The following CDH13 variants were observed in gnomAD, a reference collection of about 807,000 sequenced individuals.
CDH13 encodes the protein cadherin 13.
CDH13 carries 24 observed loss-of-function variants against 63.8 expected under a neutral mutation model. The ratio of observed to expected loss-of-function variants is 0.38; its 90% confidence interval spans 0.27 to 0.53. CDH13 has a LOEUF of 0.53. Ranked by LOEUF, CDH13 falls within the 20% of genes least tolerant of loss-of-function variation. The probability of loss-of-function intolerance (pLI) is 0.85; values close to 1 mark genes in which losing one functional copy is unlikely to be tolerated. For synonymous variants in CDH13, 503 were observed against 355.3 expected (o/e 1.42, Z -4.67); for missense variants, 1,049 against 903.1 (o/e 1.16, Z -2.07).
At chr16:83,237,881 A>T (rs12926446) in intron 5 of CDH13, among the ~76,000 whole-genome samples, 21,700 of 152,210 alleles carry the variant, frequency 0.14, 1,679 homozygotes, top group Middle Eastern at 0.22. Context: ...TTGGGTATTG[A>T]TAACTTATAT....
intron 8 of CDH13, among the ~76,000 whole-genome samples, chr16:83,603,411 CTG>C (rs1335570296): frequency 2.6e-5 from 4 of 152,286 alleles, no homozygotes; most frequent in Non-Finnish European, 5.9e-5. Context: ...CCTGATTTGA[CTG>C]TGTGAGCCTG....
At chr16:82,706,942 A>G (rs1454877802) in intron 1 of CDH13, among the ~76,000 whole-genome samples, 2 of 152,208 alleles carry the variant, frequency 1.3e-5, no homozygotes, top group East Asian at 3.8e-4. Flanking sequence ...TCTCTTCTAG[A>G]GTTATAAAAT....
chr16:82,770,664 G>C (rs1348062121), intron 1 of CDH13, among the ~76,000 whole-genome samples: 1 of 152,114 alleles, frequency 6.6e-6, no homozygotes, highest in South Asian at 2.1e-4. Context: ...TCCATTTGGA[G>C]ATACATATTT....
At chr16:83,071,442 C>G (rs1472789157) in intron 3 of CDH13, among the ~76,000 whole-genome samples, 1 of 152,192 alleles carries the variant, frequency 6.6e-6, no homozygotes, top group East Asian at 1.9e-4. Flanking sequence ...CCATGTAGCT[C>G]TTCCCTGAGA....
chr16:83,774,536 C>G (rs901827858), intron 11 of CDH13, among the ~76,000 whole-genome samples: 1 of 152,104 alleles, frequency 6.6e-6, no homozygotes, highest in Non-Finnish European at 1.5e-5. Flanking sequence ...TCATGCCCAG[C>G]TAATTTTTTG....
intron 10 of CDH13, among the ~76,000 whole-genome samples, chr16:83,696,567 T>A (rs1319047703): frequency 6.6e-6 from 1 of 152,224 alleles, no homozygotes; most frequent in Non-Finnish European, 1.5e-5. Flanking sequence ...AAGTGGTTAC[T>A]GTTTGATGCT....
intron 5 of CDH13, among the ~76,000 whole-genome samples, chr16:83,299,710 G>C (rs1473132138): frequency 6.6e-6 from 1 of 152,142 alleles, no homozygotes; most frequent in Admixed American, 6.5e-5. Flanking sequence ...AGGCTAACTT[G>C]GAAAATGCCA....
At chr16:82,745,573 C>T (rs948734722) in intron 1 of CDH13, among the ~76,000 whole-genome samples, 2 of 152,078 alleles carry the variant, frequency 1.3e-5, no homozygotes, top group African/African-American at 4.8e-5. Context: ...CACTGAACTC[C>T]AGCCTGGGTG....
intron 7 of CDH13, among the ~76,000 whole-genome samples, chr16:83,515,034 T>C (rs141630800): frequency 0.011 from 1,608 of 151,932 alleles, 18 homozygotes; most frequent in Middle Eastern, 0.054. Context: ...CTTTTGGAGG[T>C]TTAGGGTCAG....
chr16:83,577,322 G>A (rs563927294), intron 7 of CDH13, among the ~76,000 whole-genome samples: 1 of 152,308 alleles, frequency 6.6e-6, no homozygotes, highest in African/African-American at 2.4e-5. Flanking sequence ...GAGAAGATGA[G>A]GTTTCCCAGC....
At chr16:83,324,816 G>C (rs2090323092) in intron 5 of CDH13, among the ~76,000 whole-genome samples, 2 of 152,204 alleles carry the variant, frequency 1.3e-5, no homozygotes, top group Non-Finnish European at 1.5e-5. Context: ...TGAACTATTT[G>C]AGGAACTGCC....
At chr16:83,116,352 CT>C (rs2035295078) in intron 3 of CDH13, among the ~76,000 whole-genome samples, 1 of 152,120 alleles carries the variant, frequency 6.6e-6, no homozygotes, top group Non-Finnish European at 1.5e-5. Flanking sequence ...GGAGGAGTTG[CT>C]GACTGCAGGT....
chr16:82,900,983 G>A (rs1242380748), intron 2 of CDH13, among the ~76,000 whole-genome samples: 1 of 152,138 alleles, frequency 6.6e-6, no homozygotes, highest in Non-Finnish European at 1.5e-5. Flanking sequence ...TGATCCAGGA[G>A]CCCAGAATGC....
At chr16:82,920,800 C>T (rs1331882460) in intron 2 of CDH13, among the ~76,000 whole-genome samples, 2 of 152,144 alleles carry the variant, frequency 1.3e-5, no homozygotes, top group Non-Finnish European at 2.9e-5. Context: ...TGCCTTGTTT[C>T]TGATGTTAAG....
At chr16:83,627,987 G>A (rs904776053) in intron 8 of CDH13, among the ~76,000 whole-genome samples, 2 of 152,290 alleles carry the variant, frequency 1.3e-5, no homozygotes, top group African/African-American at 2.4e-5. Flanking sequence ...CGTTACCATG[G>A]CATTTGTAAA....
intron 2 of CDH13, among the ~76,000 whole-genome samples, chr16:82,887,237 A>G (rs1386751681): frequency 6.6e-6 from 1 of 152,202 alleles, no homozygotes; most frequent in Admixed American, 6.5e-5. Flanking sequence ...TTTGCAGGCC[A>G]GCTGGCCTGT....
intron 1 of CDH13, among the ~76,000 whole-genome samples, chr16:82,688,737 A>G (rs1915337260): frequency 6.6e-6 from 1 of 152,224 alleles, no homozygotes; most frequent in Non-Finnish European, 1.5e-5. Flanking sequence ...TATTTTCAAT[A>G]TTAAGGAATT....
In CDH13 at chr16:83,173,120, A is replaced by G. The variant is rs1279341575; in HGVS notation, c.484-44225A>G. Reference sequence around the variant, plus strand: ...GTGCCAGGCTTATATGGATTCATGTAATTCTCACATTAATTCTGTGAGACT... The same window carrying G: ...GTGCCAGGCTTATATGGATTCATGTGATTCTCACATTAATTCTGTGAGACT... On this transcript the variant is annotated intron_variant, in intron 4 of 13. Transcript: ENST00000567109. Among the ~76,000 whole-genome samples, 3 of 152,104 alleles carry G rather than the reference A, an allele frequency of 2.0e-5. No individual in the cohort carries two copies. In the South Asian group the frequency reaches 6.2e-4, roughly 32 times the overall value.
chr16:83,594,529 A>G (rs1472427123), intron 7 of CDH13, among the ~76,000 whole-genome samples: 1 of 152,192 alleles, frequency 6.6e-6, no homozygotes, highest in African/African-American at 2.4e-5. Context: ...TCAGCAAAGG[A>G]GCAGGAATTC....
Sources: allele counts gnomAD v4.1 joint callset (sites outside exome capture counted in the v4.1 genomes callset), GRCh38; gene constraint gnomAD v4.1.1; transcripts MANE v1.5; gene names NCBI Gene and HGNC (gene_info 2026-07-23, HGNC 2026-07-21).